CHLSN: variants seen among roughly 807,000 people sequenced by gnomAD.
The protein encoded by CHLSN is protein cholesin.
the CHLSN span, among the ~76,000 whole-genome samples, chr7:1,027,956 G>A: frequency 2.6e-4 from 40 of 152,286 alleles, no homozygotes; most frequent in South Asian, 8.3e-4. Context: ...GGCTCGCAGT[G>A]CCTGCAGGGC....
the CHLSN span, chr7:983,182 G>C: frequency 4.8e-6 from 7 of 1,455,330 alleles, no homozygotes; most frequent in Non-Finnish European, 6.4e-6. Flanking sequence ...GGGCCCAGGA[G>C]GGGAGTGGAG....
At chr7:1,092,937 C>T in the CHLSN span, 5 of 1,329,594 alleles carry the variant, frequency 3.8e-6, no homozygotes, top group Non-Finnish European at 5.3e-6. Context: ...ACGGCCACGT[C>T]ATGTCTCTAA....
the CHLSN span, among the ~76,000 whole-genome samples, chr7:1,106,925 C>A: frequency 2.6e-5 from 4 of 152,206 alleles, no homozygotes; most frequent in East Asian, 7.7e-4. Context: ...GATGTGGCTC[C>A]CTGCCCACCG....
chr7:1,097,743 G>A, the CHLSN span, among the ~76,000 whole-genome samples: 1 of 152,170 alleles, frequency 6.6e-6, no homozygotes, highest in East Asian at 1.9e-4. The surrounding 1 kb of genome is among the most constrained non-coding windows in gnomAD (Gnocchi z 4.3). Context: ...CCCCTCGCTG[G>A]GTGATCACAT....
chr7:1,039,111 C>T, the CHLSN span, among the ~76,000 whole-genome samples: 4 of 53,082 alleles, frequency 7.5e-5, no homozygotes, highest in Admixed American at 1.7e-4. Context: ...AGGTGAGGGG[C>T]GCCTCTGCCC....
the CHLSN span, among the ~76,000 whole-genome samples, chr7:1,084,621 C>T: frequency 6.6e-6 from 1 of 152,204 alleles, no homozygotes; most frequent in African/African-American, 2.4e-5. Context: ...AAAGGAGCAG[C>T]AGTTGGTGGG....
the CHLSN span, among the ~76,000 whole-genome samples, chr7:1,106,972 T>A: frequency 2.0e-5 from 3 of 152,128 alleles, no homozygotes; most frequent in South Asian, 6.2e-4. Context: ...CAGGTCCTGC[T>A]GGGACTGCAC....
At chr7:1,002,762 GGGAGTCCTTGGGTGAGT>G in the CHLSN span, among the ~76,000 whole-genome samples, 1 of 100,836 alleles carries the variant, frequency 9.9e-6, no homozygotes, top group Non-Finnish European at 2.0e-5. Context: ...CCTGTGGGTG[GGGAGTCCTTGGGTGAGT>G]GGAGTCCTGT....
chr7:1,133,673 G>A, the CHLSN span, among the ~76,000 whole-genome samples: 3 of 147,426 alleles, frequency 2.0e-5, no homozygotes, highest in South Asian at 2.2e-4. Context: ...AGAATGGCGC[G>A]AACACGGGAG....
the CHLSN span, among the ~76,000 whole-genome samples, chr7:1,112,106 G>A: frequency 2.0e-5 from 3 of 152,182 alleles, no homozygotes; most frequent in African/African-American, 4.8e-5. Flanking sequence ...AAGCAGCGCT[G>A]GCAAACATCT....
chr7:1,028,346 G>T, the CHLSN span: 6 of 1,017,030 alleles, frequency 5.9e-6, no homozygotes, highest in Non-Finnish European at 7.1e-6. Flanking sequence ...CGCGCCTCCA[G>T]CAGCCTCAGC....
the CHLSN span, among the ~76,000 whole-genome samples, chr7:1,019,204 A>AC: frequency 1.2e-5 from 1 of 86,688 alleles, no homozygotes; most frequent in Non-Finnish European, 2.4e-5. Flanking sequence ...AAAAAAAAAA[A>AC]AAAAAAACGG....
the CHLSN span, among the ~76,000 whole-genome samples, chr7:1,136,371 T>TATAAATATATAC: frequency 2.6e-5 from 2 of 77,342 alleles, no homozygotes; most frequent in African/African-American, 1.2e-4. Flanking sequence ...TATATATAAA[T>TATAAATATATAC]ATATATAAAT....
At chr7:985,440 A>G in the CHLSN span, 1 of 1,194,678 alleles carries the variant, frequency 8.4e-7, no homozygotes, top group East Asian at 2.6e-5. Context: ...CCCACCTTGC[A>G]AAAGGAATCA....
chr7:1,010,079 A>T, the CHLSN span: 1 of 1,612,662 alleles, frequency 6.2e-7, no homozygotes, highest in Non-Finnish European at 8.5e-7. Context: ...CCTTTCCAGG[A>T]CCCTCTGCTC....
At chr7:1,048,127 C>T in the CHLSN span, among the ~76,000 whole-genome samples, 1 of 152,110 alleles carries the variant, frequency 6.6e-6, no homozygotes, top group Non-Finnish European at 1.5e-5. Flanking sequence ...AAGGACGAGC[C>T]AGTGTTTGCT....
At chr7:1,028,502 G>A in the CHLSN span, 3 of 985,522 alleles carry the variant, frequency 3.0e-6, no homozygotes, top group Non-Finnish European at 3.6e-6. Context: ...TGAGAAGGCG[G>A]GGGTGGACCC....
chr7:1,117,061 C>T, the CHLSN span, among the ~76,000 whole-genome samples: 1 of 115,328 alleles, frequency 8.7e-6, no homozygotes, highest in Non-Finnish European at 1.7e-5. Flanking sequence ...CCGACGCCCA[C>T]GCAGGATGAT....
At chr7:1,025,836 TG>T in the CHLSN span, 1 of 152,326 alleles carries the variant, frequency 6.6e-6, no homozygotes, top group Non-Finnish European at 1.5e-5. Context: ...AGAGGCAGGC[TG>T]GGGTCCTCTC....
Sources: gnomAD v4.1 joint callset for allele counts (sites outside exome capture counted in the v4.1 genomes callset) on GRCh38, gnomAD v4.1.1 for gene constraint, Gnocchi (gnomAD v3.1) non-coding constraint, MANE v1.5 for transcripts, NCBI Gene and HGNC (gene_info 2026-07-23, HGNC 2026-07-21) for gene names.